SEMA5B: variants seen among roughly 807,000 people sequenced by gnomAD.
The protein encoded by SEMA5B is semaphorin 5B.
A neutral mutation model predicts 135.0 loss-of-function variants in SEMA5B; 66 were observed. That is an observed-to-expected ratio of 0.49 (90% CI 0.40 to 0.60). The LOEUF is 0.60. Ranked by LOEUF, SEMA5B falls within the 20% of genes least tolerant of loss-of-function variation. The pLI, the probability that SEMA5B is intolerant of heterozygous loss-of-function variation, is 0.00. For synonymous variants in SEMA5B, 690 were observed against 639.5 expected (o/e 1.08, Z -1.19); for missense variants, 1,501 against 1,566.3 (o/e 0.96, Z 0.70).
At chr3:122,956,872 G>T (rs140473029) in intron 2 of SEMA5B, among the ~76,000 whole-genome samples, 1 of 152,166 alleles carries the variant, frequency 6.6e-6, no homozygotes, top group Non-Finnish European at 1.5e-5. Flanking sequence ...AGCGGGTGAC[G>T]GGCTGCAGTC....
chr3:122,995,394 C>G (rs16833750), intron 1 of SEMA5B, among the ~76,000 whole-genome samples: 1 of 152,112 alleles, frequency 6.6e-6, no homozygotes, highest in Non-Finnish European at 1.5e-5. Context: ...AGAAAACCCT[C>G]GATAACCACC....
chr3:122,996,803 C>T (rs866163205), intron 1 of SEMA5B, among the ~76,000 whole-genome samples: 7 of 152,190 alleles, frequency 4.6e-5, no homozygotes, highest in African/African-American at 1.2e-4. Context: ...GAAGGCAGCC[C>T]GAGTAGCGTT....
At chr3:122,916,476 G>T (rs975757104) in intron 12 of SEMA5B, among the ~76,000 whole-genome samples, 1 of 152,190 alleles carries the variant, frequency 6.6e-6, no homozygotes, top group African/African-American at 2.4e-5. Context: ...AGCTCCCTGG[G>T]TGATTCTAAT....
intron 2 of SEMA5B, among the ~76,000 whole-genome samples, chr3:122,960,459 A>G (rs1940525535): frequency 6.6e-6 from 1 of 152,248 alleles, no homozygotes; most frequent in Admixed American, 6.5e-5. Flanking sequence ...TGATCCAGCA[A>G]TTCCACTTCT....
chr3:122,975,920 C>A lies in SEMA5B; in HGVS notation c.-38-14619G>T, dbSNP rs73856781. 1.2e-3 allele frequency: 1,736 copies of A among 1,508,892 alleles called. 17 individuals are homozygous for A. The African/African-American group carries it at 0.019, about 17-fold the overall frequency. 93.5% of individuals were successfully genotyped at this position (1,508,892 alleles called of 1,614,324 possible). On this transcript the variant is annotated intron_variant, in intron 1 of 22. Transcript: ENST00000357599. Reference sequence around the variant, plus strand: ...TGCCTCAGACTCCCTCTCCTGCCCCCTCTCTGGCCATTCCCCCTCCATCCA... The same window carrying A: ...TGCCTCAGACTCCCTCTCCTGCCCCATCTCTGGCCATTCCCCCTCCATCCA...
At chr3:122,980,124 C>A (rs910706444) in intron 1 of SEMA5B, among the ~76,000 whole-genome samples, 1 of 152,154 alleles carries the variant, frequency 6.6e-6, no homozygotes. Context: ...ACACAAAACC[C>A]CATCCCAGTC....
At chr3:122,999,086 G>T (rs1222257140) in intron 1 of SEMA5B, among the ~76,000 whole-genome samples, 1 of 152,096 alleles carries the variant, frequency 6.6e-6, no homozygotes, top group Non-Finnish European at 1.5e-5. Flanking sequence ...CAGCCCGGAG[G>T]CCCTCCTTCC....
chr3:122,922,532 G>A, intron 10 of SEMA5B, 85 bp from the exon 11 acceptor site: 1 of 1,300,206 alleles, frequency 7.7e-7, no homozygotes, highest in Non-Finnish European at 1.1e-6. Context: ...GGCAACCCAG[G>A]TGGCCACAGC....
chr3:123,004,401 C>A (rs1289400108), intron 1 of SEMA5B, among the ~76,000 whole-genome samples: 1 of 152,216 alleles, frequency 6.6e-6, no homozygotes, highest in African/African-American at 2.4e-5. Flanking sequence ...TTGTCCCATA[C>A]ACCCCACTGA....
At chr3:122,948,477 G>A (rs745906974) in intron 3 of SEMA5B, 29 bp downstream of exon 3, 2 of 1,575,678 alleles carry the variant, frequency 1.3e-6, no homozygotes, top group South Asian at 1.1e-5. Flanking sequence ...GCCATTGCAA[G>A]ACAGGGCCAA....
intron 8 of SEMA5B, 42 bp from the exon 9 acceptor site, chr3:122,926,719 G>A (rs563574370): frequency 6.7e-5 from 107 of 1,594,080 alleles, no homozygotes; most frequent in African/African-American, 1.5e-4. Flanking sequence ...GCAGGCCAGC[G>A]GGGAAGAAGA....
At chr3:123,008,700 A>G (rs16833771) in intron 1 of SEMA5B, among the ~76,000 whole-genome samples, 9,653 of 152,266 alleles carry the variant, frequency 0.063, 384 homozygotes, top group East Asian at 0.16. Context: ...AAGAAAAAGC[A>G]TAGACAATCC....
At position 123,006,790 on chromosome 3, in the gene SEMA5B, C is replaced by T. The variant is rs1012321715; in HGVS notation, c.-39+20674G>A. Among the ~76,000 whole-genome samples the T allele has an allele frequency of 7.2e-5, 11 of 152,224 alleles. No individual in the cohort carries two copies. The East Asian group carries it at 2.1e-3, about 29-fold the overall frequency. On this transcript the variant is annotated intron_variant, in intron 1 of 22. Coordinates refer to ENST00000357599, the MANE Select transcript of SEMA5B (RefSeq NM_001031702.4). ...ATCATCCTTACCACCCTCCCCCCATCTATGTTCAGTTCTGCTCCATACACA... is the reference window on the plus strand; with the variant it reads ...ATCATCCTTACCACCCTCCCCCCATTTATGTTCAGTTCTGCTCCATACACA...
intron 9 of SEMA5B, 144 bp downstream of exon 9, chr3:122,926,248 C>T: frequency 1.3e-6 from 1 of 785,542 alleles, no homozygotes; most frequent in South Asian, 1.8e-5. Flanking sequence ...CTTACCGCTC[C>T]AGAAGCAGTA....
intron 1 of SEMA5B, among the ~76,000 whole-genome samples, chr3:123,021,697 G>A (rs947659627): frequency 2.6e-5 from 4 of 152,198 alleles, no homozygotes; most frequent in East Asian, 3.8e-4. Flanking sequence ...CTCCCAGGGC[G>A]GGCTTACATC....
intron 1 of SEMA5B, among the ~76,000 whole-genome samples, chr3:122,973,317 A>G (rs951826337): frequency 2.0e-5 from 3 of 152,146 alleles, no homozygotes; most frequent in African/African-American, 4.8e-5. Context: ...AGAGGCAGCC[A>G]ATGAGCTGCT....
chr3:123,004,868 C>T (rs1942267560), intron 1 of SEMA5B, among the ~76,000 whole-genome samples: 1 of 152,178 alleles, frequency 6.6e-6, no homozygotes, highest in African/African-American at 2.4e-5. Flanking sequence ...TGGGTGGGCC[C>T]ATACTCAGTC....
intron 1 of SEMA5B, among the ~76,000 whole-genome samples, chr3:122,986,593 TTG>T (rs145873533): frequency 0.026 from 3,689 of 144,308 alleles, 64 homozygotes; most frequent in African/African-American, 0.043. Context: ...CAGAGCATAT[TTG>T]TGTGTGTGTG....
chr3:122,954,611 C>T (rs1304036239), intron 2 of SEMA5B, among the ~76,000 whole-genome samples: 4 of 152,160 alleles, frequency 2.6e-5, no homozygotes, highest in Non-Finnish European at 5.9e-5. Context: ...CTTACAGGGA[C>T]GTGCTCTAAG....
Sources: allele counts gnomAD v4.1 joint callset (sites outside exome capture counted in the v4.1 genomes callset), GRCh38; gene constraint gnomAD v4.1.1; transcripts MANE v1.5; gene names NCBI Gene and HGNC (gene_info 2026-07-23, HGNC 2026-07-21).